EXOC6: variants seen among roughly 807,000 people sequenced by gnomAD.
EXOC6 encodes SEC15-like 1.
A neutral mutation model predicts 112.5 loss-of-function variants in EXOC6; 60 were observed. That is an observed-to-expected ratio of 0.53 (90% CI 0.43 to 0.66). The LOEUF (loss-of-function observed/expected upper bound fraction) is 0.66. EXOC6 is among the 30% of genes least tolerant of loss of function. EXOC6 has a pLI of 0.00. For synonymous variants in EXOC6, 295 were observed against 308.0 expected (o/e 0.96, Z 0.44); for missense variants, 855 against 957.1 (o/e 0.89, Z 1.41).
intron 7 of EXOC6, among the ~76,000 whole-genome samples, chr10:92,918,467 G>A (rs1481354206): frequency 6.6e-6 from 1 of 151,228 alleles, no homozygotes; most frequent in Non-Finnish European, 1.5e-5. Context: ...AGGCTGGAGA[G>A]CAGTTGGCAT....
chr10:92,940,763 T>G lies in EXOC6; in HGVS notation c.1249T>G (p.Leu417Val). The change falls in exon 13 of 22, where the codon TTA becomes GTA. Residue 417 changes from leucine to valine, a missense_variant. Physicochemically the swap from Leu to Val is conservative, Grantham distance 32 (BLOSUM62 1). This residue lies in a region of EXOC6 where 450 missense variants were observed against 563.5 expected (regional missense o/e 0.80). Transcript: ENST00000260762. ...TCCAGTGAACCGACTTTTTGACCTTTTATTTGAAATAAGAGACCAATACAA... is the reference window on the plus strand; with the variant it reads ...TCCAGTGAACCGACTTTTTGACCTTGTATTTGAAATAAGAGACCAATACAA... ...GFPVNRLFDL[L>V]FEIRDQYNET... The G allele has an allele frequency of 6.2e-7, 1 of 1,612,042 alleles. No homozygotes were observed. Among genetic ancestry groups the G allele is most frequent in the East Asian group, 2.2e-5 (1 of 44,788 alleles).
intron 1 of EXOC6, among the ~76,000 whole-genome samples, chr10:92,878,840 C>G (rs61860837): frequency 6.6e-6 from 1 of 152,000 alleles, no homozygotes; most frequent in Non-Finnish European, 1.5e-5. Flanking sequence ...TATACCTAGT[C>G]AAGTTGAGAT....
At chr10:92,928,032 G>A (rs1851819832) in intron 8 of EXOC6, among the ~76,000 whole-genome samples, 1 of 152,068 alleles carries the variant, frequency 6.6e-6, no homozygotes, top group Non-Finnish European at 1.5e-5. Flanking sequence ...ATCTTTCACT[G>A]GGCTTCCCTC....
At chr10:92,974,694 TGCCTGCGATTG>T (rs1323815681) in intron 18 of EXOC6, among the ~76,000 whole-genome samples, 1 of 152,206 alleles carries the variant, frequency 6.6e-6, no homozygotes, top group Non-Finnish European at 1.5e-5. Context: ...GCCTGCCGAG[TGCCTGCGATTG>T]CAGGCGCACG....
At chr10:93,047,791 C>T (rs779808280) in intron 20 of EXOC6, among the ~76,000 whole-genome samples, 4 of 151,920 alleles carry the variant, frequency 2.6e-5, no homozygotes, top group Non-Finnish European at 5.9e-5. Context: ...TACTAAAATA[C>T]AAAGATTAGC....
chr10:92,920,071 T>G, intron 8 of EXOC6, 21 bp downstream of exon 8: 3 of 1,451,912 alleles, frequency 2.1e-6, no homozygotes, highest in African/African-American at 1.4e-5. Context: ...TTTATATTTA[T>G]GTATATATAG....
chr10:92,876,825 A>G (rs1383713697), intron 1 of EXOC6, among the ~76,000 whole-genome samples: 1 of 152,180 alleles, frequency 6.6e-6, no homozygotes, highest in African/African-American at 2.4e-5. Flanking sequence ...CTTTTACCCT[A>G]TGCATGCCCC....
chr10:92,832,464 G>C (rs919882792), upstream of EXOC6, among the ~76,000 whole-genome samples: 10 of 152,212 alleles, frequency 6.6e-5, no homozygotes, highest in African/African-American at 2.2e-4. Context: ...TTTTAGTAGA[G>C]ATGGTGTTTC....
At chr10:92,911,927 C>CG (rs1564823499) in intron 6 of EXOC6, among the ~76,000 whole-genome samples, 2 of 99,466 alleles carry the variant, frequency 2.0e-5, no homozygotes, top group African/African-American at 7.5e-5. Context: ...CTCTCTCTCT[C>CG]TCTCTGTGTG....
At chr10:93,031,446 G>A (rs536226968) in intron 20 of EXOC6, among the ~76,000 whole-genome samples, 1 of 147,700 alleles carries the variant, frequency 6.8e-6, no homozygotes, top group African/African-American at 2.5e-5. Flanking sequence ...GATCTAATAT[G>A]TTCTCATTTA....
chr10:92,879,332 G>A (rs552563971), intron 1 of EXOC6, among the ~76,000 whole-genome samples: 7 of 152,132 alleles, frequency 4.6e-5, no homozygotes, highest in Non-Finnish European at 8.8e-5. Context: ...AGCTGGGCAT[G>A]GTGGTGCACG....
At chr10:92,965,843 A>C (rs182784163) in intron 17 of EXOC6, among the ~76,000 whole-genome samples, 1 of 152,296 alleles carries the variant, frequency 6.6e-6, no homozygotes, top group East Asian at 1.9e-4. Context: ...TCTGGATTAT[A>C]AAATAAGCAG....
At chr10:92,955,196 A>T (rs1476085279) in intron 16 of EXOC6, among the ~76,000 whole-genome samples, 2 of 152,078 alleles carry the variant, frequency 1.3e-5, no homozygotes, top group African/African-American at 4.8e-5. Context: ...TAAAAAAATG[A>T]GGGAAAAGGG....
intron 4 of EXOC6, 46 bp from the exon 5 acceptor site, chr10:92,899,552 AT>A: frequency 7.6e-7 from 1 of 1,313,386 alleles, no homozygotes; most frequent in Non-Finnish European, 1.1e-6. Context: ...GTCTCAAAAT[AT>A]TTTCTTTTCA....
rs1668294586 is a variant in EXOC6, at chr10:92,912,082, T to C, written c.663+2451T>C. Among the ~76,000 whole-genome samples, 3 of 151,310 alleles carry C rather than the reference T, an allele frequency of 2.0e-5. No individual in the cohort carries two copies. In the South Asian group the frequency reaches 6.3e-4, roughly 32 times the overall value. The stretch of plus-strand genomic sequence containing the variant: ...CTAGGTGGCATGAGTGTAAAGCTTA[T>C]ACCTTGTAAAGCAGCCCCCGCCTTT... On this transcript the variant is annotated intron_variant, in intron 6 of 21. Transcript: ENST00000260762.
At position 93,029,990 on chromosome 10, in the gene EXOC6, C is replaced by T. The variant is rs558881594; in HGVS notation, c.2169+15723C>T. 3.6e-3 allele frequency among the ~76,000 whole-genome samples: 554 copies of T among 151,856 alleles called. 2 individuals are homozygous for T. Among genetic ancestry groups the T allele is most frequent in the African/African-American group, 0.013 (519 of 41,386 alleles). ...ATGGCGCGATCTCGGCTCACTGCAA[C>T]CTCTGCCTCCCAGGTTCAAGTGATT... On this transcript the variant is annotated intron_variant, in intron 20 of 21. Coordinates refer to ENST00000260762, the MANE Select transcript of EXOC6 (RefSeq NM_019053.6).
intron 1 of EXOC6, among the ~76,000 whole-genome samples, chr10:92,881,973 C>A (rs970074043): frequency 4.6e-5 from 7 of 152,048 alleles, no homozygotes; most frequent in Middle Eastern, 3.2e-3. Context: ...AACTGTGAGT[C>A]CATTAAACCT....
At chr10:93,026,413 T>C (rs568716221) in intron 20 of EXOC6, among the ~76,000 whole-genome samples, 50 of 152,354 alleles carry the variant, frequency 3.3e-4, no homozygotes, top group African/African-American at 1.2e-3. Flanking sequence ...GTCTCTTCTT[T>C]TTTAGCCATT....
intron 7 of EXOC6, among the ~76,000 whole-genome samples, chr10:92,917,323 C>A (rs1018120743): frequency 6.6e-6 from 1 of 151,514 alleles, no homozygotes; most frequent in Admixed American, 6.6e-5. Flanking sequence ...ATTTTTATTT[C>A]GTAATGTCTT....
Sources: gnomAD v4.1 joint callset for allele counts (sites outside exome capture counted in the v4.1 genomes callset) on GRCh38, gnomAD v4.1.1 for gene constraint, gnomAD v4.1.1 regional missense constraint, MANE v1.5 for transcripts, NCBI Gene and HGNC (gene_info 2026-07-23, HGNC 2026-07-21) for gene names.